The following SH3YL1 variants were observed in gnomAD, a reference collection of about 807,000 sequenced individuals.
The protein encoded by SH3YL1 is SH3 and SYLF domain containing 1.
SH3YL1 carries 41 observed loss-of-function variants against 45.8 expected under a neutral mutation model. The ratio of observed to expected loss-of-function variants is 0.89; its 90% CI spans 0.70 to 1.16. The LOEUF is 1.16. SH3YL1 is among the 50% of genes most tolerant of loss of function. SH3YL1 has a pLI of 0.00. For synonymous variants in SH3YL1, 152 were observed against 151.4 expected (o/e 1.00, Z -0.03); for missense variants, 389 against 409.6 (o/e 0.95, Z 0.43).
Position 245,562 on chromosome 2 carries a change from G to A in SH3YL1, c.291+1976C>T, listed in dbSNP as rs141264518. On this transcript the variant is annotated intron_variant, in intron 4 of 9. Coordinates refer to ENST00000356150, the MANE Select transcript of SH3YL1 (RefSeq NM_015677.4). ...CTATCTTTAACTGTGTTTTGCAGAT[G>A]TAGAAGCTGAGGTGTGGAGAAGAAA... Among the ~76,000 whole-genome samples, 664 of 152,276 alleles carry A rather than the reference G, an allele frequency of 4.4e-3. 1 individual carries two copies. The highest frequency in any genetic ancestry group is 8.2e-3 in the Admixed American group (126 of 15,300).
At chr2:229,906 T>C (rs747476753) in intron 8 of SH3YL1, 60 bp downstream of exon 8, 1 of 1,316,248 alleles carries the variant, frequency 7.6e-7, no homozygotes, top group Admixed American at 1.8e-5. Context: ...GATTTCTTAA[T>C]GATAACATTT....
rs73146264 is a variant in SH3YL1 at position 259,221 on chromosome 2, G to A, written c.1+4763C>T. 2.0e-3 allele frequency among the ~76,000 whole-genome samples: 309 copies of A among 152,248 alleles called. 1 individual carries two copies. The highest frequency in any genetic ancestry group is 7.1e-3 in the African/African-American group (296 of 41,534). On this transcript the variant is annotated intron_variant, in intron 1 of 9. Coordinates refer to ENST00000356150, the MANE Select transcript of SH3YL1 (RefSeq NM_015677.4). ...ATGTGTGAGTAGCAGGAGCCATTTC[G>A]CTGCCCTGGCCAGTAGCTCTCAGTG...
rs1477066664 is a variant in SH3YL1, at chr2:249,819, G to A, written c.138C>T (p.Gly46=). ...IPAHVIAKAK[G]LAILSVIKAG... ...CTTTGATCACAGACAGAATTGCAAG[G>A]CCTTTAGCCTTCGCAATTACGTGAG... The change falls in exon 3 of 10, where the codon GGC becomes GGT. Residue 46 remains glycine (G), a synonymous_variant. Transcript: ENST00000356150. 1.9e-6 allele frequency: 3 copies of A among 1,551,922 alleles called. No homozygotes were observed. The highest frequency in any genetic ancestry group is 2.6e-6 in the Non-Finnish European group (3 of 1,147,016).
At chr2:223,203 T>C (rs920767202) in intron 9 of SH3YL1, among the ~76,000 whole-genome samples, 6 of 152,020 alleles carry the variant, frequency 3.9e-5, no homozygotes, top group African/African-American at 1.2e-4. Flanking sequence ...AGTACGGGGG[T>C]TCGAACTGGA....
intron 9 of SH3YL1, among the ~76,000 whole-genome samples, chr2:224,526 G>A (rs1011724574): frequency 6.6e-6 from 1 of 152,090 alleles, no homozygotes; most frequent in African/African-American, 2.4e-5. Context: ...CATGGCTCCC[G>A]GGGCTCAGCA....
intron 1 of SH3YL1, 55 bp downstream of exon 1, chr2:263,929 C>T: frequency 2.1e-6 from 3 of 1,424,332 alleles, no homozygotes; most frequent in East Asian, 2.7e-5. Context: ...CCCACCACCG[C>T]CCAGCTCTTG....
rs74453448 is a variant in SH3YL1, at chr2:255,497, G to A, written c.2-2382C>T. ...CTGAAGTCCTTGCTACCCAGGAGGC[G>A]GAGGCAGGAAGATCACTTGAACTCA... is the stretch of plus-strand genomic sequence containing the variant. On this transcript the variant is annotated intron_variant, in intron 1 of 9. Coordinates refer to ENST00000356150, the MANE Select transcript of SH3YL1 (RefSeq NM_015677.4). Among the ~76,000 whole-genome samples the A allele has an allele frequency of 2.8e-3, 433 of 152,176 alleles. 1 individual carries two copies. The highest frequency in any genetic ancestry group is 9.9e-3 in the African/African-American group (409 of 41,516).
intron 1 of SH3YL1, among the ~76,000 whole-genome samples, chr2:255,273 A>T (rs1669266834): frequency 6.6e-6 from 1 of 152,184 alleles, no homozygotes; most frequent in African/African-American, 2.4e-5. Flanking sequence ...ATAAAATGTG[A>T]TATATTTTGG....
At chr2:226,550 G>T (rs552550462) in intron 8 of SH3YL1, among the ~76,000 whole-genome samples, 8 of 152,194 alleles carry the variant, frequency 5.3e-5, no homozygotes, top group African/African-American at 1.9e-4. Context: ...GGTGGGGAAG[G>T]TATATGCTGA....
chr2:237,143 C>G (rs1357948499), intron 4 of SH3YL1, among the ~76,000 whole-genome samples: 1 of 92,316 alleles, frequency 1.1e-5, no homozygotes, highest in Non-Finnish European at 2.3e-5. Flanking sequence ...CCACATTTCC[C>G]ACTCGGAAAA....
chr2:222,780 C>A (rs1230188211), intron 9 of SH3YL1: 2 of 152,252 alleles, frequency 1.3e-5, no homozygotes, highest in African/African-American at 4.8e-5. Flanking sequence ...ACCCAGCAGC[C>A]CCTCCGTGGG....
chr2:224,349 T>A (rs1228479473), intron 9 of SH3YL1, among the ~76,000 whole-genome samples: 1 of 152,146 alleles, frequency 6.6e-6, no homozygotes, highest in Non-Finnish European at 1.5e-5. Context: ...ATGTGAAAAA[T>A]AAAATTCTTA....
chr2:225,039 G>C (rs1410214263), intron 8 of SH3YL1, 119 bp from the exon 9 acceptor site: 10 of 755,456 alleles, frequency 1.3e-5, no homozygotes, highest in Non-Finnish European at 1.4e-5. Context: ...TAAGTTGATA[G>C]GATCATCATC....
chr2:252,458 G>T (rs1039491334), intron 2 of SH3YL1, among the ~76,000 whole-genome samples: 8 of 152,112 alleles, frequency 5.3e-5, no homozygotes, highest in Non-Finnish European at 8.8e-5. Context: ...ATGGGAGGCA[G>T]GAGAAAAAGC....
At chr2:235,370 G>A (rs1668241982) in intron 4 of SH3YL1, among the ~76,000 whole-genome samples, 2 of 148,324 alleles carry the variant, frequency 1.3e-5, no homozygotes, top group African/African-American at 5.0e-5. Flanking sequence ...ATGGGCCAGG[G>A]GAGGCAGCAG....
At position 234,184 on chromosome 2, in the gene SH3YL1, G is replaced by A. The variant is rs765371740; in HGVS notation, c.380C>T (p.Thr127Ile). The change falls in exon 5 of 10, where the codon ACT (threonine) becomes ATT (isoleucine). Residue 127 changes from threonine to isoleucine, a missense_variant. Coordinates refer to ENST00000356150, the MANE Select transcript of SH3YL1 (RefSeq NM_015677.4). Reference protein sequence around the residue: ...GGNLTLGGNLTVAVGPLGRNL... With the variant: ...GGNLTLGGNLIVAVGPLGRNL... ...CCTTCCCAAGGGCCCAACCGCCACA[G>A]TCAAGTTCCCTCCGAGGGTCAGATT... The A allele has an allele frequency of 6.2e-7, 1 of 1,614,040 alleles. No homozygotes were observed. The highest frequency in any genetic ancestry group is 8.5e-7 in the Non-Finnish European group (1 of 1,179,980).
At chr2:257,125 C>T (rs907392629) in intron 1 of SH3YL1, among the ~76,000 whole-genome samples, 4 of 151,892 alleles carry the variant, frequency 2.6e-5, no homozygotes, top group African/African-American at 9.7e-5. Flanking sequence ...CTTATAGATT[C>T]TGAATATTAG....
At chr2:248,004 A>G (rs1304157748) in intron 3 of SH3YL1, among the ~76,000 whole-genome samples, 1 of 152,226 alleles carries the variant, frequency 6.6e-6, no homozygotes, top group Non-Finnish European at 1.5e-5. Context: ...GATCAGAAGG[A>G]TTCGAGAGAG....
chr2:231,321 T>G (rs1489099997), intron 6 of SH3YL1, 130 bp from the exon 7 acceptor site: 9 of 703,754 alleles, frequency 1.3e-5, no homozygotes, highest in Non-Finnish European at 2.1e-5. Flanking sequence ...ACACTACTTT[T>G]TAAACACTAA....
Sources: allele counts gnomAD v4.1 joint callset (sites outside exome capture counted in the v4.1 genomes callset), GRCh38; gene constraint gnomAD v4.1.1; transcripts MANE v1.5; gene names NCBI Gene and HGNC (gene_info 2026-07-23, HGNC 2026-07-21).